The following CPXM2 variants were observed in gnomAD, a reference collection of about 807,000 sequenced individuals.
CPXM2 encodes the protein inactive carboxypeptidase-like protein X2.
In CPXM2, 66 loss-of-function variants were observed where a neutral mutation model predicts 86.1. The ratio of observed to expected loss-of-function variants is 0.77; its 90% CI spans 0.63 to 0.94. The LOEUF is 0.94. Ranked by LOEUF, CPXM2 falls within the 40% of genes least tolerant of loss-of-function variation. The pLI, the probability that CPXM2 is intolerant of heterozygous loss-of-function variation, is 0.00. For missense variants in CPXM2, 948 were observed against 1,026.3 expected (o/e 0.92, Z 1.04); for synonymous variants, 388 against 400.2 (o/e 0.97, Z 0.36).
upstream of CPXM2, among the ~76,000 whole-genome samples, chr10:123,941,175 C>CA (rs1945773633): frequency 6.6e-6 from 1 of 151,768 alleles, no homozygotes; most frequent in African/African-American, 2.4e-5. Flanking sequence ...CATCTCAAAA[C>CA]AAAAAAATAA....
chr10:123,870,659 C>G (rs1290603300), intron 2 of CPXM2, among the ~76,000 whole-genome samples: 1 of 152,128 alleles, frequency 6.6e-6, no homozygotes, highest in African/African-American at 2.4e-5. Flanking sequence ...AATCTCTGAG[C>G]CAATCTCAGC....
intron 9 of CPXM2, 146 bp downstream of exon 9, chr10:123,768,377 AAAT>A: frequency 3.5e-4 from 4 of 11,306 alleles, no homozygotes; most frequent in Non-Finnish European, 6.0e-4. Flanking sequence ...CCGACTCAAA[AAAT>A]AAATAAATAA....
chr10:123,943,201 G>A (rs116571760), upstream of CPXM2, among the ~76,000 whole-genome samples: 2,074 of 100,204 alleles, frequency 0.021, 54 homozygotes, highest in African/African-American at 0.079. Context: ...ATGTTCCTTT[G>A]AACTGGTCGT....
intron 4 of CPXM2, among the ~76,000 whole-genome samples, chr10:123,834,594 T>C (rs1403458597): frequency 1.3e-5 from 2 of 152,112 alleles, no homozygotes; most frequent in East Asian, 1.9e-4. Flanking sequence ...AAAAGGATGC[T>C]CCTGGGCTGG....
chr10:123,831,773 C>A (rs1848170114), intron 4 of CPXM2, among the ~76,000 whole-genome samples: 1 of 151,906 alleles, frequency 6.6e-6, no homozygotes, highest in Non-Finnish European at 1.5e-5. Flanking sequence ...ATTTAAGAAC[C>A]CTAGTGATTA....
chr10:123,831,998 A>T (rs1279377022), intron 4 of CPXM2, among the ~76,000 whole-genome samples: 4 of 149,820 alleles, frequency 2.7e-5, no homozygotes, highest in Admixed American at 2.6e-4. Flanking sequence ...GGGGTGGGGA[A>T]CAGACTGGTG....
chr10:123,890,646 G>A (rs1220691617), intron 1 of CPXM2, among the ~76,000 whole-genome samples: 1 of 152,190 alleles, frequency 6.6e-6, no homozygotes. Flanking sequence ...AATAAACTAC[G>A]TCATTTAGTG....
chr10:123,811,945 G>A (rs1444031412), intron 4 of CPXM2, among the ~76,000 whole-genome samples: 1 of 152,150 alleles, frequency 6.6e-6, no homozygotes, highest in Non-Finnish European at 1.5e-5. Flanking sequence ...CCAAATGTTG[G>A]TAAAAATGTT....
chr10:123,937,470 A>AACACACACACACACACACACAC (rs201368456), intron 2 of CPXM2, among the ~76,000 whole-genome samples: 21 of 132,664 alleles, frequency 1.6e-4, no homozygotes, highest in South Asian at 2.5e-4. Context: ...ACAACAAAAC[A>AACACACACACACACACACACAC]ACACACACAC....
chr10:123,836,283 C>T (rs1848278300), intron 4 of CPXM2, among the ~76,000 whole-genome samples: 1 of 152,208 alleles, frequency 6.6e-6, no homozygotes, highest in Non-Finnish European at 1.5e-5. Flanking sequence ...AATAGGGCCA[C>T]TGTCTTCCCC....
intron 11 of CPXM2, among the ~76,000 whole-genome samples, chr10:123,760,956 C>T (rs1269259247): frequency 1.3e-5 from 2 of 152,170 alleles, no homozygotes; most frequent in African/African-American, 4.8e-5. Context: ...TCTTGACCAA[C>T]CCTCACAAAA....
At chr10:123,940,761 G>A (rs1370824330), upstream of CPXM2, among the ~76,000 whole-genome samples, 2 of 152,126 alleles carry the variant, frequency 1.3e-5, no homozygotes, top group Non-Finnish European at 2.9e-5. Flanking sequence ...CACCGGTGGG[G>A]CCCTCAAAGC....
chr10:123,912,473 C>T (rs1945498796), intron 2 of CPXM2, among the ~76,000 whole-genome samples: 1 of 152,240 alleles, frequency 6.6e-6, no homozygotes. Context: ...GCTCCACATC[C>T]TGGGCCACCC....
intron 10 of CPXM2, among the ~76,000 whole-genome samples, chr10:123,764,336 C>T (rs1846419164): frequency 6.6e-6 from 1 of 152,150 alleles, no homozygotes; most frequent in African/African-American, 2.4e-5. Flanking sequence ...CTCCCTTACA[C>T]TAAAAGCTAT....
chr10:123,851,646 G>A (rs1036267730), intron 3 of CPXM2, among the ~76,000 whole-genome samples: 1 of 151,960 alleles, frequency 6.6e-6, no homozygotes. Context: ...GCACGCACCT[G>A]TAATCCCAGC....
intron 3 of CPXM2, among the ~76,000 whole-genome samples, chr10:123,858,187 A>G (rs1158261686): frequency 6.6e-6 from 1 of 152,214 alleles, no homozygotes; most frequent in African/African-American, 2.4e-5. Flanking sequence ...AGAAAAACAC[A>G]TGTGACAGCA....
At chr10:123,908,768 A>T (rs1157170735) in intron 2 of CPXM2, among the ~76,000 whole-genome samples, 1 of 152,212 alleles carries the variant, frequency 6.6e-6, no homozygotes, top group Non-Finnish European at 1.5e-5. Flanking sequence ...TTTTAATGGC[A>T]GAAGGGCACT....
chr10:123,750,347 C>T, intron 13 of CPXM2: 1 of 972,670 alleles, frequency 1.0e-6, no homozygotes, highest in Non-Finnish European at 1.2e-6. Context: ...TTGCACTCCA[C>T]TGCTCCCAGC....
At chr10:123,937,470 A>ACACACACACAC (rs1491511876) in intron 2 of CPXM2, among the ~76,000 whole-genome samples, 2 of 132,590 alleles carry the variant, frequency 1.5e-5, no homozygotes, top group African/African-American at 5.5e-5. Flanking sequence ...ACAACAAAAC[A>ACACACACACAC]ACACACACAC....
Sources: gnomAD v4.1 joint callset for allele counts (sites outside exome capture counted in the v4.1 genomes callset) on GRCh38, gnomAD v4.1.1 for gene constraint, MANE v1.5 for transcripts, NCBI Gene and HGNC (gene_info 2026-07-23, HGNC 2026-07-21) for gene names.